AFAP1: variants seen among roughly 807,000 people sequenced by gnomAD.
The protein encoded by AFAP1 is actin filament-associated protein 1.
A neutral mutation model predicts 93.9 loss-of-function variants in AFAP1; 75 were observed. That is an observed-to-expected ratio of 0.80 (90% CI 0.66 to 0.97). The LOEUF (loss-of-function observed/expected upper bound fraction) is 0.97, where lower values mean the gene tolerates loss of function less well. AFAP1 is among the 50% of genes least tolerant of loss of function. The pLI is 0.00. For missense variants in AFAP1, 1,201 were observed against 1,050.8 expected, an observed-to-expected ratio of 1.14 and a Z score of -1.98; for synonymous variants, 517 against 430.7, an observed-to-expected ratio of 1.20 and a Z score of -2.48.
intron 1 of AFAP1, among the ~76,000 whole-genome samples, chr4:7,884,774 A>G (rs975944638): frequency 6.6e-6 from 1 of 152,262 alleles, no homozygotes; most frequent in African/African-American, 2.4e-5. Context: ...GGGTGTGGAA[A>G]AAGATTTTCT....
chr4:7,766,460 T>C (rs1454957169), intron 17 of AFAP1, among the ~76,000 whole-genome samples: 1 of 152,156 alleles, frequency 6.6e-6, no homozygotes, highest in Non-Finnish European at 1.5e-5. Flanking sequence ...ATTCCAAGCC[T>C]AGGTCACACT....
chr4:7,912,358 G>C (rs1398263771), intron 1 of AFAP1, among the ~76,000 whole-genome samples: 1 of 152,216 alleles, frequency 6.6e-6, no homozygotes, highest in Admixed American at 6.5e-5. Flanking sequence ...TGCACATTTA[G>C]TTTTTTAAGA....
intron 5 of AFAP1, chr4:7,842,889 G>A: frequency 4.1e-6 from 2 of 493,360 alleles, no homozygotes; most frequent in Non-Finnish European, 7.3e-6. Flanking sequence ...CCCGGGAATG[G>A]GAATGATTTT....
chr4:7,870,125 T>G (rs1460084370), intron 2 of AFAP1, among the ~76,000 whole-genome samples: 1 of 152,214 alleles, frequency 6.6e-6, no homozygotes, highest in African/African-American at 2.4e-5. Context: ...ATACTACCAT[T>G]AGCCCTTTTT....
chr4:7,931,483 T>C (rs1427682272), intron 1 of AFAP1, among the ~76,000 whole-genome samples: 5 of 152,014 alleles, frequency 3.3e-5, no homozygotes, highest in African/African-American at 1.2e-4. Flanking sequence ...CCTCAAATTA[T>C]TGGGATCAGG....
chr4:7,918,965 T>TGAGACAC lies in AFAP1; in HGVS notation c.-3+20690_-3+20691insGTGTCTC, dbSNP rs1560236333. Among the ~76,000 whole-genome samples the TGAGACAC allele has an allele frequency of 5.8e-4, 18 of 31,010 alleles. No individual in the cohort carries two copies. The East Asian group carries it at 6.3e-3, about 11-fold the overall frequency. The allele number at this position is 31,010 out of a possible 152,430, so 20.3% of individuals were successfully genotyped here. ...CCCAGGTCACCAGGAAACAGGGCTG[T>TGAGACAC]TGGAAGAGACACTCGGCCCAGGTCA... On this transcript the variant is annotated intron_variant, in intron 1 of 17. Transcript: ENST00000420658.
intron 1 of AFAP1, among the ~76,000 whole-genome samples, chr4:7,875,336 G>A (rs1717431435): frequency 6.6e-6 from 1 of 152,180 alleles, no homozygotes; most frequent in Admixed American, 6.5e-5. Context: ...TGTGGCACCA[G>A]CAGTTCACTC....
At chr4:7,922,480 A>G (rs62290579) in intron 1 of AFAP1, among the ~76,000 whole-genome samples, 46,689 of 152,146 alleles carry the variant, frequency 0.31, 8,908 homozygotes, top group Non-Finnish European at 0.44. Flanking sequence ...CCAGATGGAG[A>G]TAAGAACATA....
At chr4:7,806,151 T>A (rs1450837673) in intron 9 of AFAP1, among the ~76,000 whole-genome samples, 1 of 152,230 alleles carries the variant, frequency 6.6e-6, no homozygotes, top group Non-Finnish European at 1.5e-5. Context: ...GATCATATTA[T>A]CTACGCGGCT....
chr4:7,813,212 A>T (rs1323346378), intron 8 of AFAP1, among the ~76,000 whole-genome samples: 2 of 152,230 alleles, frequency 1.3e-5, no homozygotes, highest in Non-Finnish European at 2.9e-5. Flanking sequence ...TGGCTGGGAT[A>T]AAAGGAGCTT....
intron 1 of AFAP1, among the ~76,000 whole-genome samples, chr4:7,924,894 G>A (rs114469588): frequency 0.049 from 2,886 of 58,948 alleles, 48 homozygotes; most frequent in South Asian, 0.18. Context: ...TTTGGCCCCT[G>A]TTTCCCAGTT....
intron 1 of AFAP1, among the ~76,000 whole-genome samples, chr4:7,928,397 GTTTTT>G (rs113373533): frequency 6.6e-6 from 1 of 151,624 alleles, no homozygotes; most frequent in South Asian, 2.1e-4. Flanking sequence ...TGTTTTTTTG[GTTTTT>G]TTTGAGACAG....
intron 1 of AFAP1, among the ~76,000 whole-genome samples, chr4:7,902,119 G>C (rs754308550): frequency 5.9e-5 from 9 of 152,156 alleles, no homozygotes; most frequent in African/African-American, 1.4e-4. Context: ...TCAACAACCC[G>C]TCTTCTCTGA....
At chr4:7,918,383 C>T (rs1048354075) in intron 1 of AFAP1, among the ~76,000 whole-genome samples, 5 of 149,546 alleles carry the variant, frequency 3.3e-5, no homozygotes, top group African/African-American at 1.2e-4. Flanking sequence ...GGAAACAGGG[C>T]TGCCGGATGA....
chr4:7,881,821 C>T (rs1460287798), intron 1 of AFAP1, among the ~76,000 whole-genome samples: 2 of 151,944 alleles, frequency 1.3e-5, no homozygotes, highest in Non-Finnish European at 2.9e-5. Context: ...TGGACTCTGT[C>T]ACCACATAAA....
chr4:7,900,720 A>G (rs545110628), intron 1 of AFAP1, among the ~76,000 whole-genome samples: 6 of 152,380 alleles, frequency 3.9e-5, no homozygotes, highest in African/African-American at 1.4e-4. Context: ...TGTACAACTA[A>G]AAACCTTGGA....
At chr4:7,911,264 C>G (rs1022896805) in intron 1 of AFAP1, among the ~76,000 whole-genome samples, 1 of 152,154 alleles carries the variant, frequency 6.6e-6, no homozygotes. Flanking sequence ...ACAATCCCAC[C>G]AAATATAGGC....
At chr4:7,868,902 C>A (rs1453906319) in intron 2 of AFAP1, among the ~76,000 whole-genome samples, 183 bp from the exon 3 acceptor site, 1 of 141,134 alleles carries the variant, frequency 7.1e-6, no homozygotes, top group African/African-American at 2.7e-5. Context: ...GAAGAACCGA[C>A]AGCTTAAATA....
intron 5 of AFAP1, among the ~76,000 whole-genome samples, chr4:7,840,502 C>T (rs185518781): frequency 2.2e-4 from 34 of 152,180 alleles, no homozygotes; most frequent in Middle Eastern, 6.8e-3. Flanking sequence ...TTAGTAGAGA[C>T]AGGGTTTCAC....
Sources: gnomAD v4.1 joint callset for allele counts (sites outside exome capture counted in the v4.1 genomes callset) on GRCh38, gnomAD v4.1.1 for gene constraint, MANE v1.5 for transcripts, NCBI Gene and HGNC (gene_info 2026-07-23, HGNC 2026-07-21) for gene names.